Variants in UBE2D2 observed in about 807,000 individuals in gnomAD.
UBE2D2 encodes ubiquitin-conjugating enzyme E2 D2.
Under a neutral mutation model 24.2 loss-of-function variants are expected in UBE2D2, and 2 were observed. The ratio of observed to expected loss-of-function variants is 0.08; its 90% CI spans 0.03 to 0.26. The LOEUF (loss-of-function observed/expected upper bound fraction) is 0.26, where lower values mean the gene tolerates loss of function less well. UBE2D2 is among the 10% of genes least tolerant of loss of function. The probability of loss-of-function intolerance (pLI) is 1.00; values close to 1 mark genes in which losing one functional copy is unlikely to be tolerated. For synonymous variants in UBE2D2, 58 were observed against 56.5 expected (o/e 1.03, Z -0.12); for missense variants, 44 against 177.6 (o/e 0.25, Z 4.28).
At chr5:139,550,368 G>A (rs1446133014) in intron 1 of UBE2D2, among the ~76,000 whole-genome samples, 2 of 152,170 alleles carry the variant, frequency 1.3e-5, no homozygotes, top group Non-Finnish European at 2.9e-5. Flanking sequence ...CTCAGGGATT[G>A]TAAATGCACC....
At chr5:139,594,989 T>C (rs1315168176) in intron 1 of UBE2D2, among the ~76,000 whole-genome samples, 1 of 152,166 alleles carries the variant, frequency 6.6e-6, no homozygotes, top group Non-Finnish European at 1.5e-5. Context: ...GCTCTGTAAA[T>C]AGTTGTTATG....
chr5:139,571,976 A>G (rs535858530), intron 1 of UBE2D2, among the ~76,000 whole-genome samples: 1 of 151,602 alleles, frequency 6.6e-6, no homozygotes, highest in East Asian at 1.9e-4. Flanking sequence ...TCCCTCTTCC[A>G]TAAGAGCTAC....
At chr5:139,568,139 T>C (rs981193521) in intron 1 of UBE2D2, among the ~76,000 whole-genome samples, 3 of 149,408 alleles carry the variant, frequency 2.0e-5, no homozygotes, top group Admixed American at 6.7e-5. Flanking sequence ...AGGTCAGGAG[T>C]TCGAGACCAG....
chr5:139,538,550 G>C (rs909867345), intron 1 of UBE2D2, among the ~76,000 whole-genome samples: 1 of 152,078 alleles, frequency 6.6e-6, no homozygotes, highest in Non-Finnish European at 1.5e-5. Flanking sequence ...TACCAATGTG[G>C]GTAGAATCCC....
upstream of UBE2D2, among the ~76,000 whole-genome samples, chr5:139,558,617 C>T (rs1753011841): frequency 6.6e-6 from 1 of 151,708 alleles, no homozygotes; most frequent in East Asian, 1.9e-4. Context: ...AGGTAGATTA[C>T]CAAACAGTAT....
At chr5:139,543,167 T>A (rs1752780508) in intron 1 of UBE2D2, among the ~76,000 whole-genome samples, 1 of 152,172 alleles carries the variant, frequency 6.6e-6, no homozygotes, top group Admixed American at 6.6e-5. Flanking sequence ...AGTGCTAGGA[T>A]TACAGGCGTG....
intron 1 of UBE2D2, among the ~76,000 whole-genome samples, chr5:139,592,314 C>T (rs992554834): frequency 1.3e-5 from 2 of 152,146 alleles, no homozygotes; most frequent in African/African-American, 4.8e-5. Context: ...GTGCTTTCCC[C>T]TCAAATCTTC....
At chr5:139,554,461 G>T (rs1752956083) in intron 1 of UBE2D2, among the ~76,000 whole-genome samples, 1 of 152,036 alleles carries the variant, frequency 6.6e-6, no homozygotes, top group East Asian at 1.9e-4. Flanking sequence ...TTTTTGTTTT[G>T]CTTATCATTT....
At position 139,542,612 on chromosome 5, in the gene UBE2D2, C is replaced by T. The variant is rs186231120; in HGVS notation, c.-64+16000C>T. ...CTGGGATTACAGGGGTCAGCCACCA[C>T]GCCTGGCATGGCATGACATAGTTTT... On this transcript the variant is annotated intron_variant, in intron 1 of 6. Coordinates refer to the UBE2D2 transcript ENST00000511725. Among the ~76,000 whole-genome samples the T allele has an allele frequency of 1.5e-4, 23 of 151,956 alleles. No homozygotes were observed. The East Asian group carries it at 2.3e-3, about 15-fold the overall frequency.
intron 1 of UBE2D2, among the ~76,000 whole-genome samples, chr5:139,598,322 G>A (rs1196019651): frequency 6.6e-6 from 1 of 152,046 alleles, no homozygotes; most frequent in East Asian, 1.9e-4. Context: ...TTTTACTCTT[G>A]TAGTTTTAAA....
chr5:139,529,265 T>C (rs1752573414), intron 1 of UBE2D2, among the ~76,000 whole-genome samples: 2 of 152,140 alleles, frequency 1.3e-5, no homozygotes, highest in Admixed American at 1.3e-4. Context: ...GATCACAGTC[T>C]TTGAAGTAAG....
At chr5:139,593,198 G>GT (rs1441804702) in intron 1 of UBE2D2, among the ~76,000 whole-genome samples, 2 of 150,526 alleles carry the variant, frequency 1.3e-5, no homozygotes, top group Non-Finnish European at 3.0e-5. Flanking sequence ...GTTTCACCAC[G>GT]TTGGGCAGGC....
At chr5:139,611,978 T>TTTTG (rs2126699119) in intron 2 of UBE2D2, 1 of 152,028 alleles carries the variant, frequency 6.6e-6, no homozygotes, top group South Asian at 2.1e-4. Flanking sequence ...TTTTTTTTTT[T>TTTTG]TGAACATGAA....
chr5:139,618,770 G>A (rs1026316212), intron 5 of UBE2D2, among the ~76,000 whole-genome samples: 1 of 152,096 alleles, frequency 6.6e-6, no homozygotes, highest in African/African-American at 2.4e-5. Context: ...TAAAATAGTT[G>A]CAGTGCCATT....
At chr5:139,557,019 G>C (rs1437065736), upstream of UBE2D2, among the ~76,000 whole-genome samples, 1 of 150,882 alleles carries the variant, frequency 6.6e-6, no homozygotes, top group African/African-American at 2.4e-5. Context: ...ATTTTTAGTA[G>C]AGACGGGGTT....
At chr5:139,574,876 A>G (rs1476624856) in intron 1 of UBE2D2, among the ~76,000 whole-genome samples, 3 of 152,118 alleles carry the variant, frequency 2.0e-5, no homozygotes, top group Non-Finnish European at 2.9e-5. Context: ...TGTGGGGAAG[A>G]TTAGATAGAA....
chr5:139,615,354 A>G (rs1481617652), intron 5 of UBE2D2, among the ~76,000 whole-genome samples: 2 of 152,110 alleles, frequency 1.3e-5, no homozygotes, highest in Admixed American at 6.6e-5. Flanking sequence ...GCATGGTGGC[A>G]GGTGCCTGTA....
intron 1 of UBE2D2, among the ~76,000 whole-genome samples, chr5:139,542,624 C>G (rs1365874445): frequency 6.6e-6 from 1 of 151,748 alleles, no homozygotes; most frequent in East Asian, 2.0e-4. Context: ...CCTGGCATGG[C>G]ATGACATAGT....
chr5:139,584,708 T>G lies in UBE2D2; in HGVS notation c.25-15664T>G, dbSNP rs190473676. 5.3e-5 allele frequency among the ~76,000 whole-genome samples: 8 copies of G among 151,720 alleles called. 1 individual carries two copies. The East Asian group carries it at 5.8e-4, about 11-fold the overall frequency. On this transcript the variant is annotated intron_variant, in intron 1 of 6. Coordinates refer to ENST00000398733, the MANE Select transcript of UBE2D2 (RefSeq NM_003339.3). ...CCACCATACCCGGCTAATTTTTGTA[T>G]TTTTAGCAGAGACCGGGTTTCACCA...
Sources: allele counts gnomAD v4.1 joint callset (sites outside exome capture counted in the v4.1 genomes callset), GRCh38; gene constraint gnomAD v4.1.1; transcripts MANE v1.5; gene names NCBI Gene and HGNC (gene_info 2026-07-23, HGNC 2026-07-21).